ELAPOR2: variants seen among roughly 807,000 people sequenced by gnomAD.
ELAPOR2 encodes the protein endosome/lysosome-associated apoptosis and autophagy regulator family member 2.
ELAPOR2 carries 89 observed loss-of-function variants against 120.7 expected under a neutral mutation model. The observed-to-expected ratio is 0.74, with a 90% CI of 0.62 to 0.88. The LOEUF (loss-of-function observed/expected upper bound fraction) is 0.88. Ranked by LOEUF, ELAPOR2 falls within the 40% of genes least tolerant of loss-of-function variation. The pLI, the probability that ELAPOR2 is intolerant of heterozygous loss-of-function variation, is 0.00. For synonymous variants in ELAPOR2, 444 were observed against 444.9 expected, an observed-to-expected ratio of 1.00 and a Z score of 0.03; for missense variants, 1,134 against 1,251.6, an observed-to-expected ratio of 0.91 and a Z score of 1.42.
At chr7:86,951,275 T>C (rs1446702064) in intron 2 of ELAPOR2, among the ~76,000 whole-genome samples, 2 of 152,242 alleles carry the variant, frequency 1.3e-5, no homozygotes, top group African/African-American at 4.8e-5. Context: ...AAATATTGAC[T>C]TCCTAATAAA....
intron 8 of ELAPOR2, among the ~76,000 whole-genome samples, chr7:86,933,902 A>T (rs1790448307): frequency 1.3e-5 from 2 of 151,972 alleles, no homozygotes; most frequent in Non-Finnish European, 2.9e-5. Flanking sequence ...AAAATCCCTG[A>T]TCAGTATTCT....
intron 3 of ELAPOR2, among the ~76,000 whole-genome samples, chr7:86,945,915 G>A (rs1461685899): frequency 2.6e-5 from 4 of 151,920 alleles, no homozygotes; most frequent in Non-Finnish European, 5.9e-5. Context: ...ACATGGAGAC[G>A]TGTGTATGTG....
intron 1 of ELAPOR2, chr7:86,966,042 A>C (rs1306622351): frequency 1.8e-5 from 14 of 760,330 alleles, no homozygotes; most frequent in African/African-American, 9.5e-5. Flanking sequence ...AGATTTCCCA[A>C]ATCATCAAGT....
chr7:86,966,114 A>G (rs1791893272), intron 1 of ELAPOR2: 1 of 222,176 alleles, frequency 4.5e-6, no homozygotes, highest in Non-Finnish European at 7.6e-6. Flanking sequence ...CATAATTACT[A>G]TAAGCAACAA....
At chr7:86,956,869 C>A (rs962821548) in intron 2 of ELAPOR2, among the ~76,000 whole-genome samples, 4 of 152,094 alleles carry the variant, frequency 2.6e-5, no homozygotes, top group Non-Finnish European at 4.4e-5. Flanking sequence ...ACAATACATC[C>A]GTGAAATCAG....
chr7:86,946,310 T>C (rs1035215015), intron 3 of ELAPOR2, among the ~76,000 whole-genome samples: 7 of 152,134 alleles, frequency 4.6e-5, no homozygotes, highest in Non-Finnish European at 1.0e-4. Flanking sequence ...TACAATGATA[T>C]AACCATTTTG....
chr7:86,968,494 C>A (rs962072875), intron 1 of ELAPOR2, among the ~76,000 whole-genome samples: 1 of 152,064 alleles, frequency 6.6e-6, no homozygotes, highest in African/African-American at 2.4e-5. Flanking sequence ...GGGTAATAAT[C>A]AATTGCATTT....
chr7:86,921,251 ACT>A (rs1055511041), intron 10 of ELAPOR2, among the ~76,000 whole-genome samples: 2 of 152,070 alleles, frequency 1.3e-5, no homozygotes, highest in Non-Finnish European at 2.9e-5. Flanking sequence ...GGAAATAAAG[ACT>A]CTATAGATAT....
intron 1 of ELAPOR2, among the ~76,000 whole-genome samples, chr7:87,022,013 A>T (rs997394220): frequency 2.0e-5 from 3 of 152,184 alleles, no homozygotes; most frequent in Admixed American, 6.6e-5. Flanking sequence ...TTTTCAAATG[A>T]GTAAATAAGG....
In ELAPOR2 at chr7:86,992,665, TTAAC is replaced by T. The variant is rs957352683; in HGVS notation, c.190-27645_190-27642del. Among the ~76,000 whole-genome samples the T allele has an allele frequency of 4.6e-5, 7 of 152,332 alleles. No homozygotes were observed. The East Asian group carries it at 5.8e-4, about 13-fold the overall frequency. ...ATGAAAAAAATAGGAAAAAGCAACT[TTAAC>T]TAAGCTCTAATCTGTCCTCTCTGTC... On this transcript the variant is annotated intron_variant, in intron 1 of 21. Coordinates refer to ENST00000450689, the MANE Select transcript of ELAPOR2 (RefSeq NM_001142749.3).
At chr7:86,953,361 T>C (rs1282955165) in intron 2 of ELAPOR2, among the ~76,000 whole-genome samples, 1 of 152,204 alleles carries the variant, frequency 6.6e-6, no homozygotes, top group Non-Finnish European at 1.5e-5. Flanking sequence ...AGAGCCACAC[T>C]TTCTTGGTAA....
chr7:87,028,631 C>G (rs578105958), intron 1 of ELAPOR2, among the ~76,000 whole-genome samples: 175 of 152,264 alleles, frequency 1.1e-3, no homozygotes, highest in Middle Eastern at 3.4e-3. Flanking sequence ...CCCATATTTT[C>G]GTAATATCCT....
intron 1 of ELAPOR2, among the ~76,000 whole-genome samples, chr7:87,049,997 C>A (rs1299301666): frequency 6.6e-6 from 1 of 152,160 alleles, no homozygotes; most frequent in East Asian, 1.9e-4. Context: ...CTTTCTCTCT[C>A]TTTCTTTCTT....
intron 1 of ELAPOR2, among the ~76,000 whole-genome samples, chr7:86,992,047 A>G (rs1792960169): frequency 6.6e-6 from 1 of 152,248 alleles, no homozygotes; most frequent in South Asian, 2.1e-4. Context: ...ATTACATCAT[A>G]TGCTTTTTCC....
chr7:86,965,925 C>A (rs996203985), intron 1 of ELAPOR2: 23 of 985,054 alleles, frequency 2.3e-5, no homozygotes, highest in South Asian at 1.4e-4. Context: ...CATCACCATG[C>A]GGACATCAGG....
intron 2 of ELAPOR2, among the ~76,000 whole-genome samples, chr7:86,949,374 G>C (rs1006540653): frequency 9.2e-5 from 14 of 152,198 alleles, no homozygotes; most frequent in African/African-American, 3.1e-4. Context: ...GCAGCAGCCA[G>C]CCTGGAGTGA....
At chr7:86,900,623 T>C (rs1004162297) in intron 18 of ELAPOR2, among the ~76,000 whole-genome samples, 1 of 152,240 alleles carries the variant, frequency 6.6e-6, no homozygotes, top group African/African-American at 2.4e-5. Flanking sequence ...AGACTTCATT[T>C]GTTAAAAGAT....
intron 1 of ELAPOR2, among the ~76,000 whole-genome samples, chr7:86,974,504 T>C (rs1792206610): frequency 6.6e-6 from 1 of 151,970 alleles, no homozygotes; most frequent in Non-Finnish European, 1.5e-5. Flanking sequence ...TACAAAGGTA[T>C]ATTTAATAAC....
intron 1 of ELAPOR2, among the ~76,000 whole-genome samples, chr7:86,966,903 C>A (rs1791926238): frequency 6.6e-6 from 1 of 152,126 alleles, no homozygotes; most frequent in African/African-American, 2.4e-5. Context: ...GCCTTCTCCT[C>A]CTCTTGTGAT....
Sources: gnomAD v4.1 joint callset for allele counts (sites outside exome capture counted in the v4.1 genomes callset) on GRCh38, gnomAD v4.1.1 for gene constraint, MANE v1.5 for transcripts, NCBI Gene and HGNC (gene_info 2026-07-23, HGNC 2026-07-21) for gene names.